The following PCDH10 variants were observed in gnomAD, a reference collection of about 807,000 sequenced individuals.
PCDH10 encodes the protein protocadherin 10.
A neutral mutation model predicts 74.4 loss-of-function variants in PCDH10; 15 were observed. The ratio of observed to expected loss-of-function variants is 0.20; its 90% CI spans 0.13 to 0.31. PCDH10 has a LOEUF of 0.31. Ranked by LOEUF, PCDH10 falls within the 10% of genes least tolerant of loss-of-function variation. PCDH10 has a pLI of 1.00. For synonymous variants in PCDH10, 619 were observed against 589.8 expected, an observed-to-expected ratio of 1.05 and a Z score of -0.72; for missense variants, 1,260 against 1,390.2, an observed-to-expected ratio of 0.91 and a Z score of 1.49.
At chr4:133,168,648 T>G (rs747002173) in intron 4 of PCDH10, among the ~76,000 whole-genome samples, 3 of 151,688 alleles carry the variant, frequency 2.0e-5, no homozygotes, top group Non-Finnish European at 4.4e-5. Flanking sequence ...CTGCTCCAGC[T>G]CTACTACGAT....
Position 133,193,087 on chromosome 4 carries a change from A to C in PCDH10, c.*2927A>C, listed in dbSNP as rs1727715928. 1 of 151,700 alleles carries C rather than the reference A, an allele frequency of 6.6e-6. No homozygotes were observed. The highest frequency in any genetic ancestry group is 2.4e-5 in the African/African-American group (1 of 41,416). 9.4% of individuals were successfully genotyped at this position (151,700 alleles called of 1,614,324 possible). On this transcript the variant is annotated 3_prime_UTR_variant, in exon 5 of 5. Transcript: ENST00000264360. The stretch of plus-strand genomic sequence containing the variant: ...TTTTAGAGCAGTCAAAGTCAAAAAA[A>C]ATTTCCTGTGGAAACAGTGTCTTAA...
chr4:133,181,883 A>G (rs1727426099), intron 4 of PCDH10, among the ~76,000 whole-genome samples: 1 of 152,044 alleles, frequency 6.6e-6, no homozygotes, highest in Non-Finnish European at 1.5e-5. Flanking sequence ...AGGCGTTTAG[A>G]AATATTTACC....
intron 3 of PCDH10, among the ~76,000 whole-genome samples, chr4:133,162,211 GCAGTTGATTTA>G (rs1372635051): frequency 6.6e-6 from 1 of 152,114 alleles, no homozygotes; most frequent in Non-Finnish European, 1.5e-5. Context: ...AATAGTATCT[GCAGTTGATTTA>G]CACTGCATTT....
At chr4:133,154,544 T>C (rs1460331854) in intron 2 of PCDH10, among the ~76,000 whole-genome samples, 179 bp downstream of exon 2, 1 of 152,226 alleles carries the variant, frequency 6.6e-6, no homozygotes, top group African/African-American at 2.4e-5. Flanking sequence ...TACATTATAT[T>C]TCATTTATAT....
In PCDH10 at chr4:133,149,942, A is replaced by T. The variant is rs371836157; in HGVS notation, c.-199A>T. On this transcript the variant is annotated 5_prime_UTR_variant, in exon 1 of 5. The change abolishes the stop of an existing upstream ORF in the 5' untranslated region. Coordinates refer to ENST00000264360, the MANE Select transcript of PCDH10 (RefSeq NM_032961.3). Reference sequence around the variant, plus strand: ...TGTCACCCTTCCTGTGCTAAGATTTAAAAAAAAATGAGGCTGGATTGCGGG... The same window carrying T: ...TGTCACCCTTCCTGTGCTAAGATTTTAAAAAAAATGAGGCTGGATTGCGGG... The T allele has an allele frequency of 1.9e-3, 1,033 of 539,694 alleles. 30 individuals are homozygous for T. In the South Asian group the frequency reaches 0.047, roughly 24 times the overall value. 33.4% of individuals were successfully genotyped at this position (539,694 alleles called of 1,614,324 possible). A position where few individuals can be genotyped will look rare whatever the true frequency, so the allele number is the denominator to read the frequency against.
chr4:133,161,997 A>G (rs878931286), intron 3 of PCDH10, among the ~76,000 whole-genome samples: 3 of 149,238 alleles, frequency 2.0e-5, no homozygotes, highest in Admixed American at 2.0e-4. Context: ...GTAGTGCTTG[A>G]AAATTCTTAT....
intron 3 of PCDH10, among the ~76,000 whole-genome samples, chr4:133,157,722 A>G (rs1578561232): frequency 2.0e-5 from 3 of 151,966 alleles, no homozygotes; most frequent in African/African-American, 2.4e-5. Context: ...CTTTATTCCT[A>G]TTTCTTTTTC....
chr4:133,183,760 A>G (rs547496760), intron 4 of PCDH10, among the ~76,000 whole-genome samples: 26 of 152,238 alleles, frequency 1.7e-4, no homozygotes, highest in African/African-American at 6.0e-4. Flanking sequence ...TGAAGTTGTA[A>G]ATAGTCTCTT....
rs750537557 is a variant in PCDH10 at position 133,154,294 on chromosome 4, A to G, written c.2632-13A>G. On this transcript the variant is annotated splice_polypyrimidine_tract_variant and intron_variant, in intron 1 of 4. Coordinates refer to ENST00000264360, the MANE Select transcript of PCDH10 (RefSeq NM_032961.3). ...GCATTCAAATGCTCTTGATTTATTT[A>G]TTTTTTTCCTAGACTAAACACCAGC... 5.7e-6 allele frequency: 9 copies of G among 1,592,120 alleles called. No homozygotes were observed. In the South Asian group the frequency reaches 1.0e-4, roughly 18 times the overall value.
chr4:133,175,435 C>T (rs1386410018), intron 4 of PCDH10, among the ~76,000 whole-genome samples: 3 of 151,906 alleles, frequency 2.0e-5, no homozygotes, highest in East Asian at 3.9e-4. Context: ...TTTTGTTTGG[C>T]CTAGAACTAG....
At chr4:133,194,977 A>G (rs543304736), downstream of PCDH10, among the ~76,000 whole-genome samples, 3 of 152,102 alleles carry the variant, frequency 2.0e-5, no homozygotes, top group South Asian at 6.2e-4. Context: ...TAGAGGTTGT[A>G]CATAAGATAT....
At chr4:133,206,991 T>C (rs1050458555) in intron 2 of PCDH10, among the ~76,000 whole-genome samples, 1 of 152,138 alleles carries the variant, frequency 6.6e-6, no homozygotes, top group Non-Finnish European at 1.5e-5. Context: ...TTAATTGGTT[T>C]ATTTCATTAC....
At chr4:133,152,948 C>CT in intron 1 of PCDH10, 177 bp downstream of exon 1, 5 of 1,452,084 alleles carry the variant, frequency 3.4e-6, no homozygotes, top group Non-Finnish European at 4.5e-6. Flanking sequence ...TGTAACCTAA[C>CT]TTTCGCGTTG....
chr4:133,167,117 A>C (rs189891791), intron 4 of PCDH10, among the ~76,000 whole-genome samples: 1 of 151,568 alleles, frequency 6.6e-6, no homozygotes, highest in Non-Finnish European at 1.5e-5. Context: ...TTTCAACTTG[A>C]CGCACCCATA....
chr4:133,196,671 T>C (rs1280600841), downstream of PCDH10, among the ~76,000 whole-genome samples: 1 of 152,212 alleles, frequency 6.6e-6, no homozygotes, highest in Non-Finnish European at 1.5e-5. Flanking sequence ...GAAAGGGCTG[T>C]TATCATCTTT....
In PCDH10 at chr4:133,149,473, C is replaced by G. The variant is rs1418077624; in HGVS notation, c.-668C>G. 1 of 152,236 alleles carries G rather than the reference C, an allele frequency of 6.6e-6. No individual in the cohort carries two copies. The highest frequency in any genetic ancestry group is 6.5e-5 in the Admixed American group (1 of 15,272). 9.4% of individuals were successfully genotyped at this position (152,236 alleles called of 1,614,324 possible). ...GAGATGAGGACAGAGGGAACCAAGA[C>G]TCTGAAAGACAAAAAATACAAATAG... On this transcript the variant is annotated 5_prime_UTR_variant, in exon 1 of 5. Coordinates refer to ENST00000264360, the MANE Select transcript of PCDH10 (RefSeq NM_032961.3).
chr4:133,177,549 A>C (rs1252839328), intron 4 of PCDH10, among the ~76,000 whole-genome samples: 1 of 152,152 alleles, frequency 6.6e-6, no homozygotes, highest in Non-Finnish European at 1.5e-5. Flanking sequence ...GAGACCTAAC[A>C]ACTAAGTTTT....
chr4:133,165,301 G>T (rs549416244), intron 4 of PCDH10, among the ~76,000 whole-genome samples: 11 of 146,952 alleles, frequency 7.5e-5, no homozygotes, highest in South Asian at 4.3e-4. Flanking sequence ...GTCTAGACTG[G>T]TTTTTTTTTT....
Position 133,152,737 on chromosome 4 carries a change from A to G in PCDH10, c.2597A>G (p.Asp866Gly). The stretch of plus-strand genomic sequence containing the variant: ...ACCGGTTACACCGACCAGCAGCCTG[A>G]TATCATCTCCAACGGAAGCATTTTG... ...IVTGYTDQQP[D>G]IISNGSILSN... The change falls in exon 1 of 5, where the codon GAT becomes GGT. Residue 866 changes from aspartate (D) to glycine (G), a missense_variant. Around this residue, in one of 11 missense-constraint regions of PCDH10, gnomAD observed 587 missense variants for 616.9 expected, o/e 0.95. Transcript: ENST00000264360. The G allele has an allele frequency of 1.2e-6, 2 of 1,614,212 alleles. No homozygotes were observed. Among genetic ancestry groups the G allele is most frequent in the Admixed American group, 1.7e-5 (1 of 60,034 alleles).
Sources: gnomAD v4.1 joint callset for allele counts (sites outside exome capture counted in the v4.1 genomes callset) on GRCh38, gnomAD v4.1.1 for gene constraint, gnomAD v4.1.1 regional missense constraint, MANE v1.5 for transcripts, NCBI Gene and HGNC (gene_info 2026-07-23, HGNC 2026-07-21) for gene names.